Variants in DAB1 observed in about 807,000 individuals in gnomAD.
DAB1 encodes DAB adaptor protein 1.
Under a neutral mutation model 64.6 loss-of-function variants are expected in DAB1, and 15 were observed. The observed-to-expected ratio is 0.23, with a 90% CI of 0.16 to 0.36. The LOEUF is 0.36. Among genes scored for constraint, DAB1 ranks in the 10% least tolerant of loss-of-function variants. The pLI is 1.00. For missense variants in DAB1, 596 were observed against 706.7 expected, an observed-to-expected ratio of 0.84 and a Z score of 1.78; for synonymous variants, 235 against 251.9, an observed-to-expected ratio of 0.93 and a Z score of 0.64.
intron 7 of DAB1, among the ~76,000 whole-genome samples, chr1:57,589,406 T>C (rs1278509043): frequency 6.6e-6 from 1 of 152,124 alleles, no homozygotes; most frequent in Non-Finnish European, 1.5e-5. Context: ...TTTTTATATG[T>C]AAATGATATA....
intron 2 of DAB1, among the ~76,000 whole-genome samples, chr1:57,280,055 G>T (rs1349258764): frequency 6.6e-6 from 1 of 152,210 alleles, no homozygotes; most frequent in African/African-American, 2.4e-5. Flanking sequence ...GGTTAAGAAC[G>T]TGGACAGGCT....
rs111517848 is a variant in DAB1 at position 57,415,246 on chromosome 1, A to AACACACAC, written c.-137+8676_-137+8683dup. 3.3e-3 allele frequency among the ~76,000 whole-genome samples: 475 copies of AACACACAC among 143,324 alleles called. 3 individuals are homozygous for AACACACAC. Among genetic ancestry groups the AACACACAC allele is most frequent in the African/African-American group, 8.2e-3 (320 of 38,940 alleles). The allele number at this position is 143,324 out of a possible 152,430, so 94.0% of individuals were successfully genotyped here. A position where few individuals can be genotyped will look rare whatever the true frequency, so the allele number is the denominator to read the frequency against. ...ATTAGAATAAATGCCTACCTCACAC[A>AACACACAC]ACACACACACACACACACACACACA... On this transcript the variant is annotated intron_variant, in intron 1 of 14. Transcript: ENST00000371236.
chr1:58,486,876 T>C (rs1336485192), intron 3 of DAB1, among the ~76,000 whole-genome samples: 1 of 152,168 alleles, frequency 6.6e-6, no homozygotes, highest in African/African-American at 2.4e-5. Context: ...TCTTGTATGT[T>C]TCCTAAACCA....
intron 5 of DAB1, among the ~76,000 whole-genome samples, chr1:58,120,452 A>G (rs1204563782): frequency 6.6e-6 from 1 of 152,168 alleles, no homozygotes; most frequent in Admixed American, 6.5e-5. Context: ...CCTTATAAAA[A>G]GCTTATTACC....
At position 57,676,831 on chromosome 1, in the gene DAB1, T is replaced by C. The variant is rs116502499; in HGVS notation, n.552-27166A>G. Among the ~76,000 whole-genome samples the C allele has an allele frequency of 3.4e-3, 515 of 152,302 alleles. 1 individual carries two copies. The highest frequency in any genetic ancestry group is 0.014 in the Middle Eastern group (4 of 294). On this transcript the variant is annotated intron_variant and non_coding_transcript_variant, in intron 6 of 20. Coordinates refer to the DAB1 transcript ENST00000485760. ...TTGCCCAAGAAATTCCTATTCAACCTGCAAGAACTAGTTCTAATTTCTCCT... is the reference window on the plus strand; with the variant it reads ...TTGCCCAAGAAATTCCTATTCAACCCGCAAGAACTAGTTCTAATTTCTCCT...
intron 5 of DAB1, among the ~76,000 whole-genome samples, chr1:58,137,384 C>A (rs959774687): frequency 8.5e-5 from 13 of 152,212 alleles, no homozygotes; most frequent in African/African-American, 3.1e-4. Context: ...ACTTCTCAGC[C>A]TTTTAACTGA....
intron 2 of DAB1, among the ~76,000 whole-genome samples, chr1:57,262,786 C>T (rs1173598923): frequency 6.6e-6 from 1 of 152,160 alleles, no homozygotes; most frequent in Non-Finnish European, 1.5e-5. Flanking sequence ...CATCCTGCTC[C>T]CAGCCAGATT....
intron 5 of DAB1, among the ~76,000 whole-genome samples, chr1:57,917,790 G>GC (rs1248433106): frequency 1.3e-5 from 2 of 152,004 alleles, no homozygotes; most frequent in Admixed American, 6.6e-5. Flanking sequence ...TAACTCCTTC[G>GC]CCCCCTCTTC....
chr1:58,381,561 C>G (rs765933118), intron 3 of DAB1, among the ~76,000 whole-genome samples: 9 of 152,154 alleles, frequency 5.9e-5, no homozygotes, highest in Non-Finnish European at 1.0e-4. Flanking sequence ...ACTACTGGAG[C>G]CTCAAGTACA....
intron 1 of DAB1, among the ~76,000 whole-genome samples, chr1:57,326,345 C>G (rs1676155484): frequency 6.6e-6 from 1 of 152,186 alleles, no homozygotes; most frequent in South Asian, 2.1e-4. Flanking sequence ...AGAGGGCAAA[C>G]CATGACTTAA....
intron 5 of DAB1, chr1:58,048,289 G>C: frequency 7.9e-7 from 1 of 1,263,016 alleles, no homozygotes; most frequent in South Asian, 1.2e-5. Context: ...CAGAGCTTCT[G>C]CCTCCAAAAT....
chr1:57,511,807 CTT>C, intron 7 of DAB1, among the ~76,000 whole-genome samples: 1 of 152,304 alleles, frequency 6.6e-6, no homozygotes, highest in East Asian at 1.9e-4. Context: ...CCTCTCCTCT[CTT>C]TGACCATCTG....
chr1:58,219,490 C>T (rs1185934785), intron 4 of DAB1, among the ~76,000 whole-genome samples: 2 of 152,312 alleles, frequency 1.3e-5, no homozygotes, highest in East Asian at 3.9e-4. Flanking sequence ...CTCCCACCAA[C>T]CTCTGGGCCC....
At chr1:58,132,739 G>T (rs1014206386) in intron 5 of DAB1, among the ~76,000 whole-genome samples, 1 of 152,140 alleles carries the variant, frequency 6.6e-6, no homozygotes, top group African/African-American at 2.4e-5. Flanking sequence ...AGCCAGCCTC[G>T]CCAGGATGCT....
chr1:57,168,776 C>T (rs978572229), intron 2 of DAB1, among the ~76,000 whole-genome samples: 1 of 152,156 alleles, frequency 6.6e-6, no homozygotes, highest in African/African-American at 2.4e-5. Context: ...GAGAAATCAG[C>T]TGGGTGCAGT....
At chr1:57,130,935 A>G (rs1348256825) in intron 4 of DAB1, among the ~76,000 whole-genome samples, 1 of 152,240 alleles carries the variant, frequency 6.6e-6, no homozygotes, top group Non-Finnish European at 1.5e-5. Context: ...TTTCATCTAC[A>G]TGAATTTCTA....
chr1:57,755,843 C>T (rs1439266764), intron 6 of DAB1, among the ~76,000 whole-genome samples: 7 of 152,090 alleles, frequency 4.6e-5, no homozygotes, highest in East Asian at 1.9e-4. Context: ...TACTGGGTCC[C>T]GTTAATTAGC....
intron 1 of DAB1, among the ~76,000 whole-genome samples, chr1:57,382,504 G>A (rs1485209447): frequency 2.6e-5 from 4 of 152,166 alleles, no homozygotes; most frequent in African/African-American, 9.7e-5. Context: ...TGCTATAGAA[G>A]TCCAATAAAG....
intron 4 of DAB1, among the ~76,000 whole-genome samples, chr1:58,193,459 G>C (rs943890997): frequency 1.6e-4 from 25 of 152,194 alleles, no homozygotes; most frequent in Admixed American, 1.3e-4. Context: ...AACAGACTAA[G>C]ACATTATTCG....
Sources: gnomAD v4.1 joint callset for allele counts (sites outside exome capture counted in the v4.1 genomes callset) on GRCh38, gnomAD v4.1.1 for gene constraint, MANE v1.5 for transcripts, NCBI Gene and HGNC (gene_info 2026-07-23, HGNC 2026-07-21) for gene names.